ZFAND3: variants seen among roughly 807,000 people sequenced by gnomAD.
ZFAND3 encodes the protein zinc finger AN1-type containing 3, also known as AN1-type zinc finger protein 3.
Under a neutral mutation model 29.6 loss-of-function variants are expected in ZFAND3, and 10 were observed. The observed-to-expected ratio is 0.34, with a 90% confidence interval of 0.21 to 0.57. The LOEUF (loss-of-function observed/expected upper bound fraction) is 0.57, where lower values mean the gene tolerates loss of function less well. Among genes scored for constraint, ZFAND3 ranks in the 20% least tolerant of loss-of-function variants. ZFAND3 has a pLI of 0.86. For synonymous variants in ZFAND3, 128 were observed against 112.6 expected (o/e 1.14, Z -0.87); for missense variants, 230 against 304.5 (o/e 0.76, Z 1.82).
chr6:37,953,302 T>C (rs1310818227), intron 2 of ZFAND3, among the ~76,000 whole-genome samples: 2 of 152,040 alleles, frequency 1.3e-5, no homozygotes, highest in Non-Finnish European at 2.9e-5. Context: ...GTGTATCATA[T>C]ATATTTAACT....
chr6:38,138,031 A>G (rs1765875192), intron 5 of ZFAND3, among the ~76,000 whole-genome samples: 1 of 152,178 alleles, frequency 6.6e-6, no homozygotes, highest in South Asian at 2.1e-4. Context: ...TCCCCTGGAG[A>G]GCCAGGCACG....
intron 2 of ZFAND3, among the ~76,000 whole-genome samples, chr6:38,058,698 G>A (rs1031969203): frequency 6.6e-6 from 1 of 152,200 alleles, no homozygotes; most frequent in African/African-American, 2.4e-5. Context: ...TGTGATTGAA[G>A]ACCATGGGCT....
intron 2 of ZFAND3, among the ~76,000 whole-genome samples, chr6:37,932,445 A>G (rs1460907268): frequency 6.6e-6 from 1 of 152,216 alleles, no homozygotes; most frequent in Admixed American, 6.5e-5. Context: ...GAAATGCTCC[A>G]AAGTGCAAAT....
intron 2 of ZFAND3, among the ~76,000 whole-genome samples, chr6:38,027,391 C>T (rs990711848): frequency 6.6e-6 from 1 of 152,180 alleles, no homozygotes; most frequent in Admixed American, 6.5e-5. Context: ...CTTTGACTAG[C>T]CTATCGAGAT....
rs914556116 is a variant in ZFAND3 at position 37,848,232 on chromosome 6, C to T, written c.71+28216C>T. Among the ~76,000 whole-genome samples, 11 of 152,344 alleles carry T rather than the reference C, an allele frequency of 7.2e-5. 1 individual carries two copies. Among genetic ancestry groups the T allele is most frequent in the Admixed American group, 3.3e-4 (5 of 15,298 alleles). ...TCAAGTTTTATTTTGTTCTAACATG[C>T]TGAGTTTGACTAGTCCATTGTATTT... On this transcript the variant is annotated intron_variant, in intron 1 of 5. Coordinates refer to ENST00000287218, the MANE Select transcript of ZFAND3 (RefSeq NM_021943.3).
At chr6:37,850,588 A>G (rs2127378917) in intron 1 of ZFAND3, among the ~76,000 whole-genome samples, 1 of 152,290 alleles carries the variant, frequency 6.6e-6, no homozygotes, top group East Asian at 1.9e-4. Context: ...AACAGAATTC[A>G]GTACAGTAAC....
At chr6:37,873,633 G>A (rs1764740776) in intron 1 of ZFAND3, among the ~76,000 whole-genome samples, 1 of 152,220 alleles carries the variant, frequency 6.6e-6, no homozygotes, top group Non-Finnish European at 1.5e-5. Flanking sequence ...AATAGTGAAG[G>A]TCAGCTGGAA....
intron 2 of ZFAND3, among the ~76,000 whole-genome samples, chr6:38,028,017 G>T (rs1373215397): frequency 2.6e-5 from 4 of 152,212 alleles, no homozygotes; most frequent in Non-Finnish European, 5.9e-5. Context: ...CTCTTGTCAA[G>T]TTGTCTGCTC....
chr6:38,083,975 T>C (rs1284763792), intron 4 of ZFAND3, among the ~76,000 whole-genome samples: 2 of 152,204 alleles, frequency 1.3e-5, no homozygotes, highest in African/African-American at 4.8e-5. Flanking sequence ...AGAACAGTTC[T>C]TCAAGATAGT....
In ZFAND3 at chr6:38,036,063, C is replaced by G. The variant is rs1284299221; in HGVS notation, c.113-25530C>G. Among the ~76,000 whole-genome samples the G allele has an allele frequency of 2.6e-5, 4 of 152,310 alleles. No individual in the cohort carries two copies. In the Middle Eastern group the frequency reaches 0.01, roughly 389 times the overall value. The stretch of plus-strand genomic sequence containing the variant: ...GCCAAGAATTCAGGGTCCCCTCTCT[C>G]CCAGACTCTTGAGTCTGTTCTCCCT... On this transcript the variant is annotated intron_variant, in intron 2 of 5. Transcript: ENST00000287218.
At chr6:38,131,362 TC>T (rs1765737955) in intron 5 of ZFAND3, among the ~76,000 whole-genome samples, 1 of 152,246 alleles carries the variant, frequency 6.6e-6, no homozygotes, top group Non-Finnish European at 1.5e-5. Flanking sequence ...AAGGAGTACT[TC>T]TAAGAAGTGT....
In ZFAND3 at chr6:38,144,229, A is replaced by AT. The variant is rs1436513843; in HGVS notation, c.530-8005dup. 1.9e-4 allele frequency among the ~76,000 whole-genome samples: 22 copies of AT among 116,930 alleles called. 2 individuals are homozygous for AT. In the South Asian group the frequency reaches 3.2e-3, roughly 17 times the overall value. The allele number at this position is 116,930 out of a possible 152,430, so 76.7% of individuals were successfully genotyped here. On this transcript the variant is annotated intron_variant, in intron 5 of 5. Transcript: ENST00000287218. ...TATATATAATATATAATATATATATATATTTTTTTTTTAATAAGGTTGCTT... is the reference window on the plus strand; with the variant it reads ...TATATATAATATATAATATATATATATTATTTTTTTTTTAATAAGGTTGCTT...
chr6:37,981,119 C>G (rs986608746), intron 2 of ZFAND3, among the ~76,000 whole-genome samples: 1 of 152,206 alleles, frequency 6.6e-6, no homozygotes, highest in African/African-American at 2.4e-5. Context: ...GAGCCTAAGG[C>G]AACCATACCT....
intron 5 of ZFAND3, among the ~76,000 whole-genome samples, chr6:38,144,184 A>AATATATATATAT (rs1554183921): frequency 1.8e-3 from 77 of 42,530 alleles, no homozygotes; most frequent in African/African-American, 3.7e-3. Flanking sequence ...ATATATATAT[A>AATATATATATAT]ATATATATAT....
In ZFAND3 at chr6:37,946,523, A is replaced by G. The variant is rs1033155074; in HGVS notation, c.112+16524A>G. 3.3e-5 allele frequency among the ~76,000 whole-genome samples: 5 copies of G among 152,186 alleles called. No individual in the cohort carries two copies. The East Asian group carries it at 9.6e-4, about 29-fold the overall frequency. On this transcript the variant is annotated intron_variant, in intron 2 of 5. Transcript: ENST00000287218. ...ATTCCTTCATGCACACTGTAAAGTT[A>G]CCAGGATACCCTTTCTCAATAGTTT...
intron 2 of ZFAND3, among the ~76,000 whole-genome samples, chr6:37,969,017 C>T (rs1457149395): frequency 6.6e-6 from 1 of 152,168 alleles, no homozygotes; most frequent in Non-Finnish European, 1.5e-5. Flanking sequence ...GTTGGTGTAG[C>T]CTACTACACA....
intron 1 of ZFAND3, among the ~76,000 whole-genome samples, chr6:37,844,522 C>T (rs1458793062): frequency 6.6e-6 from 1 of 151,962 alleles, no homozygotes; most frequent in Non-Finnish European, 1.5e-5. Flanking sequence ...ACCTCATGAT[C>T]TGCCCGCCTT....
At chr6:37,831,464 A>C (rs1763860084) in intron 1 of ZFAND3, among the ~76,000 whole-genome samples, 1 of 152,220 alleles carries the variant, frequency 6.6e-6, no homozygotes, top group Non-Finnish European at 1.5e-5. Flanking sequence ...GGCAAGAGAT[A>C]CCTTGGTCTG....
Position 38,153,319 on chromosome 6 carries a change from C to T in ZFAND3, c.*930C>T. ...CAAGAATCAGTAGAAGTGCTGGGAG[C>T]AGCAGCTGGGGAAGCTGCCGCCCAC... is the stretch of plus-strand genomic sequence containing the variant. On this transcript the variant is annotated 3_prime_UTR_variant, in exon 6 of 6. Coordinates refer to ENST00000287218, the MANE Select transcript of ZFAND3 (RefSeq NM_021943.3). The T allele has an allele frequency of 1.0e-6, 1 of 985,434 alleles. No individual in the cohort carries two copies. Among genetic ancestry groups the T allele is most frequent in the Non-Finnish European group, 1.2e-6 (1 of 829,960 alleles). 61.0% of individuals were successfully genotyped at this position (985,434 alleles called of 1,614,324 possible). A position where few individuals can be genotyped will look rare whatever the true frequency, so the allele number is the denominator to read the frequency against.
Sources: allele counts gnomAD v4.1 joint callset (sites outside exome capture counted in the v4.1 genomes callset), GRCh38; gene constraint gnomAD v4.1.1; transcripts MANE v1.5; gene names NCBI Gene and HGNC (gene_info 2026-07-23, HGNC 2026-07-21).